The following MACROD2 variants were observed in gnomAD, a reference collection of about 807,000 sequenced individuals.
MACROD2 encodes mono-ADP ribosylhydrolase 2.
In MACROD2, 36 loss-of-function variants were observed where a neutral mutation model predicts 70.4. The ratio of observed to expected loss-of-function variants is 0.51; its 90% CI spans 0.39 to 0.68. MACROD2 has a LOEUF of 0.68. Ranked by LOEUF, MACROD2 falls within the 30% of genes least tolerant of loss-of-function variation. The pLI is 0.00. For missense variants in MACROD2, 496 were observed against 538.4 expected (o/e 0.92, Z 0.78); for synonymous variants, 172 against 178.8 (o/e 0.96, Z 0.30).
At chr20:14,678,153 C>T (rs1469466067) in intron 4 of MACROD2, among the ~76,000 whole-genome samples, 2 of 152,128 alleles carry the variant, frequency 1.3e-5, no homozygotes, top group African/African-American at 2.4e-5. Flanking sequence ...TCTCCTGGGT[C>T]ATTGGTGTCC....
chr20:14,381,751 C>T (rs2083422545), intron 3 of MACROD2, among the ~76,000 whole-genome samples: 1 of 152,098 alleles, frequency 6.6e-6, no homozygotes, highest in Non-Finnish European at 1.5e-5. Flanking sequence ...ACACCAAAAC[C>T]CAACACTAAG....
At chr20:15,286,628 G>T (rs1480955686) in intron 6 of MACROD2, among the ~76,000 whole-genome samples, 1 of 152,174 alleles carries the variant, frequency 6.6e-6, no homozygotes, top group African/African-American at 2.4e-5. Context: ...AGGCTGGAGA[G>T]AGAGAAGTGG....
At chr20:14,477,799 A>G (rs545546403) in intron 3 of MACROD2, among the ~76,000 whole-genome samples, 1 of 152,194 alleles carries the variant, frequency 6.6e-6, no homozygotes, top group East Asian at 1.9e-4. Flanking sequence ...TTTGTAAATG[A>G]AGGTTCAAAC....
chr20:15,780,267 A>T (rs1289329788), intron 8 of MACROD2, among the ~76,000 whole-genome samples: 2 of 152,158 alleles, frequency 1.3e-5, no homozygotes, highest in African/African-American at 4.8e-5. Flanking sequence ...TTTTAACTGG[A>T]CAGAGAACAG....
chr20:14,413,239 A>G (rs1396371293), intron 3 of MACROD2, among the ~76,000 whole-genome samples: 3 of 148,634 alleles, frequency 2.0e-5, no homozygotes, highest in African/African-American at 7.4e-5. Context: ...GTGTGTACCT[A>G]TTATGCACAT....
chr20:14,814,214 C>G (rs1355223093), intron 5 of MACROD2, among the ~76,000 whole-genome samples: 1 of 152,040 alleles, frequency 6.6e-6, no homozygotes, highest in Non-Finnish European at 1.5e-5. Flanking sequence ...TCGTGTCTCT[C>G]TTTTTCACCG....
intron 4 of MACROD2, among the ~76,000 whole-genome samples, chr20:14,509,354 A>G (rs1430364865): frequency 6.6e-6 from 1 of 152,118 alleles, no homozygotes; most frequent in Non-Finnish European, 1.5e-5. Flanking sequence ...AAATTGTAAT[A>G]TATTTGATTA....
intron 3 of MACROD2, 35 bp from the exon 4 acceptor site, chr20:14,493,444 A>AT: frequency 1.3e-6 from 2 of 1,577,114 alleles, no homozygotes; most frequent in Non-Finnish European, 1.7e-6. Context: ...TATACATATT[A>AT]TTTAATGTCT....
intron 11 of MACROD2, among the ~76,000 whole-genome samples, chr20:15,935,060 C>CGTATGCATGCACTCACATACACAT: frequency 6.6e-6 from 1 of 152,240 alleles, no homozygotes; most frequent in East Asian, 1.9e-4. Flanking sequence ...CTCACACACA[C>CGTATGCATGCACTCACATACACAT]GTATGCATGC....
chr20:15,590,962 AG>A lies in MACROD2; in HGVS notation c.645+91116del, dbSNP rs2048670209. On this transcript the variant is annotated intron_variant, in intron 8 of 17. Coordinates refer to ENST00000684519, the MANE Select transcript of MACROD2 (RefSeq NM_001351661.2). ...AAGAGAGAGAAAGAAAGAAAGAAAA[AG>A]AAAGAAAGAAAGAAAGAAAAGAAGA... Among the ~76,000 whole-genome samples, 6 of 150,990 alleles carry A rather than the reference AG, an allele frequency of 4.0e-5. No individual in the cohort carries two copies. The South Asian group carries it at 1.3e-3, about 32-fold the overall frequency.
At chr20:15,400,066 G>GTTGAAAAGA (rs1350978201) in intron 6 of MACROD2, among the ~76,000 whole-genome samples, 58 of 152,286 alleles carry the variant, frequency 3.8e-4, no homozygotes, top group Admixed American at 1.1e-3. Context: ...CACTATAAAA[G>GTTGAAAAGA]AAGTCAGGAA....
chr20:14,344,963 T>C (rs907620088), intron 3 of MACROD2, among the ~76,000 whole-genome samples: 7 of 152,166 alleles, frequency 4.6e-5, no homozygotes, highest in Non-Finnish European at 1.0e-4. Flanking sequence ...CTGTCCTCCC[T>C]TTCTTCCCCA....
intron 5 of MACROD2, among the ~76,000 whole-genome samples, chr20:15,045,731 T>G (rs1198537687): frequency 6.8e-6 from 1 of 146,616 alleles, no homozygotes; most frequent in African/African-American, 2.5e-5. Flanking sequence ...TTTTTTTTTT[T>G]TTTTTTTTTT....
At chr20:15,722,370 C>A (rs551398398) in intron 8 of MACROD2, among the ~76,000 whole-genome samples, 1 of 152,030 alleles carries the variant, frequency 6.6e-6, no homozygotes, top group Non-Finnish European at 1.5e-5. Flanking sequence ...ACATCCTCAC[C>A]GACATTTTGC....
chr20:14,913,365 A>C (rs2074052277), intron 5 of MACROD2, among the ~76,000 whole-genome samples: 1 of 152,042 alleles, frequency 6.6e-6, no homozygotes, highest in African/African-American at 2.4e-5. Flanking sequence ...CGATATCCTT[A>C]TTTATGTATT....
At chr20:14,285,174 A>AT (rs1358878430) in intron 3 of MACROD2, among the ~76,000 whole-genome samples, 9 of 152,030 alleles carry the variant, frequency 5.9e-5, no homozygotes, top group East Asian at 1.9e-4. Flanking sequence ...CAGATTTGGG[A>AT]TTTTTTCTGA....
chr20:14,419,465 C>T (rs1310592700), intron 3 of MACROD2, among the ~76,000 whole-genome samples: 3 of 152,166 alleles, frequency 2.0e-5, no homozygotes, highest in South Asian at 4.1e-4. Context: ...TTTCTACCTC[C>T]TCAGACTGCT....
chr20:14,932,826 A>G (rs1337528719), intron 5 of MACROD2, among the ~76,000 whole-genome samples: 1 of 152,064 alleles, frequency 6.6e-6, no homozygotes, highest in Non-Finnish European at 1.5e-5. Context: ...TCGGCCTCCC[A>G]AAGTGCTGGG....
intron 8 of MACROD2, among the ~76,000 whole-genome samples, chr20:15,527,616 C>A (rs2047738862): frequency 6.6e-6 from 1 of 152,156 alleles, no homozygotes; most frequent in Admixed American, 6.5e-5. Context: ...TCAGAGACTG[C>A]CCATAGGCCA....
Sources: allele counts gnomAD v4.1 joint callset (sites outside exome capture counted in the v4.1 genomes callset), GRCh38; gene constraint gnomAD v4.1.1; transcripts MANE v1.5; gene names NCBI Gene and HGNC (gene_info 2026-07-23, HGNC 2026-07-21).